OPHN1: variants seen among roughly 807,000 people sequenced by gnomAD.
OPHN1 encodes the protein oligophrenin-1.
A neutral mutation model predicts 60.7 loss-of-function variants in OPHN1; 11 were observed. That is an observed-to-expected ratio of 0.18 (90% confidence interval 0.11 to 0.30). OPHN1 has a LOEUF of 0.30. Ranked by LOEUF, OPHN1 falls within the 10% of genes least tolerant of loss-of-function variation. The probability of loss-of-function intolerance (pLI) is 1.00; values close to 1 mark genes in which losing one functional copy is unlikely to be tolerated. For missense variants in OPHN1, 449 were observed against 611.0 expected (o/e 0.73, Z 2.80); for synonymous variants, 226 against 222.6 (o/e 1.02, Z -0.14).
intron 5 of OPHN1, among the ~76,000 whole-genome samples, chrX:68,255,712 C>A (rs1019979087): frequency 9.1e-6 from 1 of 109,584 alleles, no homozygotes; most frequent in Non-Finnish European, 1.9e-5. Flanking sequence ...TTAAACTAAA[C>A]CCCGCTCTAC....
intron 15 of OPHN1, among the ~76,000 whole-genome samples, chrX:68,157,047 C>T (rs1404781263): frequency 8.9e-6 from 1 of 111,830 alleles, no homozygotes; most frequent in African/African-American, 3.2e-5. Context: ...CATGGTAAGG[C>T]GGACGACTTT....
chrX:68,165,914 T>C (rs1187188669), intron 15 of OPHN1, among the ~76,000 whole-genome samples: 3 of 111,962 alleles, frequency 2.7e-5, no homozygotes, highest in Non-Finnish European at 5.6e-5. Flanking sequence ...TATAAGTTCA[T>C]TGAATTCTAG....
chrX:68,219,483 C>T (rs373751420), intron 6 of OPHN1, among the ~76,000 whole-genome samples: 2 of 108,599 alleles, frequency 1.8e-5, no homozygotes, highest in African/African-American at 3.4e-5. Flanking sequence ...ATACATTTTT[C>T]TCAGCACCAC....
At chrX:68,227,453 C>A in intron 6 of OPHN1, among the ~76,000 whole-genome samples, 1 of 111,471 alleles carries the variant, frequency 9.0e-6, no homozygotes, top group Admixed American at 9.6e-5. Context: ...ACAGAATATA[C>A]ATTGTTCTCA....
intron 15 of OPHN1, among the ~76,000 whole-genome samples, chrX:68,156,502 G>T (rs2147497999): frequency 9.0e-6 from 1 of 110,724 alleles, no homozygotes; most frequent in South Asian, 3.9e-4. Flanking sequence ...TTTTCATCAT[G>T]CAGAAAGAAA....
At chrX:68,062,516 A>G (rs1569200039) in intron 21 of OPHN1, among the ~76,000 whole-genome samples, 1 of 112,468 alleles carries the variant, frequency 8.9e-6, no homozygotes, top group Non-Finnish European at 1.9e-5. Flanking sequence ...GAGGCAGTGC[A>G]GTGGGCCCAA....
At chrX:68,125,164 A>G (rs762304845) in intron 15 of OPHN1, among the ~76,000 whole-genome samples, 32 of 111,748 alleles carry the variant, frequency 2.9e-4, no homozygotes, top group Non-Finnish European at 3.2e-4. Flanking sequence ...TGGAAATGTA[A>G]TATACTAAAA....
intron 12 of OPHN1, among the ~76,000 whole-genome samples, chrX:68,195,337 T>C (rs5965514): frequency 0.11 from 12,371 of 111,764 alleles, 1,719 homozygotes; most frequent in African/African-American, 0.39. Flanking sequence ...AATGTCCATC[T>C]GAAAGAGATC....
chrX:68,238,408 CTTT>C (rs60720599), intron 5 of OPHN1, among the ~76,000 whole-genome samples: 1 of 101,491 alleles, frequency 9.9e-6, no homozygotes, highest in Non-Finnish European at 2.0e-5. Flanking sequence ...CTTCTTTTGT[CTTT>C]TTTTTTTTAA....
chrX:68,166,079 G>A (rs1160851579), intron 15 of OPHN1, among the ~76,000 whole-genome samples: 1 of 112,089 alleles, frequency 8.9e-6, no homozygotes, highest in African/African-American at 3.2e-5. Flanking sequence ...CCTACATGAA[G>A]GGGTTAGAAG....
At chrX:68,078,984 A>AAAATAAAT (rs373187258) in intron 19 of OPHN1, among the ~76,000 whole-genome samples, 3,405 of 102,003 alleles carry the variant, frequency 0.033, 127 homozygotes, top group East Asian at 0.18. Context: ...AGACTGTCTC[A>AAAATAAAT]AAATAAATAA....
At chrX:68,113,105 A>G in intron 17 of OPHN1, 76 bp downstream of exon 17, 1 of 917,753 alleles carries the variant, frequency 1.1e-6, no homozygotes, top group South Asian at 2.1e-5. Context: ...CTTCCCCTCA[A>G]ACAATTTTCT....
chrX:68,053,157 T>G (rs1397842342), intron 22 of OPHN1, among the ~76,000 whole-genome samples: 3 of 111,374 alleles, frequency 2.7e-5, no homozygotes, highest in Non-Finnish European at 5.7e-5. Flanking sequence ...GAAGGTCTGT[T>G]GCACATCAGC....
chrX:68,172,407 G>A (rs2077395707), intron 15 of OPHN1, among the ~76,000 whole-genome samples: 1 of 111,738 alleles, frequency 8.9e-6, no homozygotes. Context: ...GTCCAGAAAA[G>A]GCAAATTTGT....
Position 68,265,983 on chromosome X carries a change from G to T in OPHN1, c.384+8755C>A, listed in dbSNP as rs953556077. On this transcript the variant is annotated intron_variant, in intron 5 of 24. Transcript: ENST00000355520. ...TGAGAAGAGAGGTTTAGAGAAAAAA[G>T]AATAAAAAGAAACAAACAAAGCCTC... Among the ~76,000 whole-genome samples, 6 of 111,417 alleles carry T rather than the reference G, an allele frequency of 5.4e-5. No homozygotes were observed. In the Admixed American group the frequency reaches 5.7e-4, roughly 11 times the overall value.
chrX:68,393,783 T>C (rs1180645452), intron 2 of OPHN1, among the ~76,000 whole-genome samples: 2 of 109,706 alleles, frequency 1.8e-5, no homozygotes, highest in Non-Finnish European at 3.8e-5. Context: ...TTTTCACATG[T>C]AAATCTTTGA....
At chrX:68,306,311 T>C (rs1385124341) in intron 2 of OPHN1, among the ~76,000 whole-genome samples, 1 of 112,249 alleles carries the variant, frequency 8.9e-6, no homozygotes, top group Non-Finnish European at 1.9e-5. Context: ...TGCATCAAGC[T>C]CTCTCTGCTT....
chrX:68,143,130 A>T (rs2077250177), intron 15 of OPHN1, among the ~76,000 whole-genome samples: 1 of 111,832 alleles, frequency 8.9e-6, no homozygotes, highest in Non-Finnish European at 1.9e-5. Context: ...AAAAACATAC[A>T]TTAATTCTCT....
intron 15 of OPHN1, among the ~76,000 whole-genome samples, chrX:68,183,182 G>A (rs2077446252): frequency 8.9e-6 from 1 of 112,068 alleles, no homozygotes; most frequent in Non-Finnish European, 1.9e-5. Context: ...GATATACCCA[G>A]AAGTAACTAC....
Sources: gnomAD v4.1 joint callset for allele counts (sites outside exome capture counted in the v4.1 genomes callset) on GRCh38, gnomAD v4.1.1 for gene constraint, MANE v1.5 for transcripts, NCBI Gene and HGNC (gene_info 2026-07-23, HGNC 2026-07-21) for gene names.